Variants in CPLANE1 observed in about 807,000 individuals in gnomAD.
CPLANE1 encodes ciliogenesis and planar polarity effector complex subunit 1, also known as ciliogenesis and planar polarity effector 1.
Under a neutral mutation model 362.5 loss-of-function variants are expected in CPLANE1, and 263 were observed. The observed-to-expected ratio is 0.73, with a 90% CI of 0.66 to 0.80. The LOEUF is 0.80. CPLANE1 is among the 30% of genes least tolerant of loss of function. CPLANE1 has a pLI of 0.00. For synonymous variants in CPLANE1, 1,212 were observed against 1,302.6 expected (o/e 0.93, Z 1.50); for missense variants, 3,461 against 3,793.4 (o/e 0.91, Z 2.30).
the CPLANE1 span, among the ~76,000 whole-genome samples, chr5:37,088,732 G>A: frequency 6.6e-6 from 1 of 152,070 alleles, no homozygotes; most frequent in Admixed American, 6.5e-5. Context: ...GCACAGGACT[G>A]GACTTACTCT....
At chr5:37,242,931 C>T in intron 6 of CPLANE1, 82 bp downstream of exon 6, 1 of 858,582 alleles carries the variant, frequency 1.2e-6, no homozygotes, top group Non-Finnish European at 1.8e-6. Flanking sequence ...CACTACCCCC[C>T]AGTCTGGGTG....
At chr5:37,234,728 T>C (rs1003010007) in intron 8 of CPLANE1, among the ~76,000 whole-genome samples, 2 of 152,082 alleles carry the variant, frequency 1.3e-5, no homozygotes, top group East Asian at 3.9e-4. Flanking sequence ...CAAAAAGGAC[T>C]CCACCAGCGG....
chr5:37,175,454 T>G (rs1192383930), intron 31 of CPLANE1, among the ~76,000 whole-genome samples: 4 of 152,220 alleles, frequency 2.6e-5, no homozygotes, highest in Admixed American at 6.5e-5. Context: ...AGATCGATTC[T>G]AACTATGAAA....
At chr5:37,214,348 A>G (rs1351439040) in intron 15 of CPLANE1, among the ~76,000 whole-genome samples, 1 of 152,128 alleles carries the variant, frequency 6.6e-6, no homozygotes, top group East Asian at 1.9e-4. Context: ...GGTTGTGCGC[A>G]CCTATAGTCC....
chr5:37,115,002 C>T lies in CPLANE1; in HGVS notation c.9358G>A (p.Ala3120Thr). ...IQKKAGGAKAAVRKATQSPVT... is the reference protein window; with the variant it reads ...IQKKAGGAKATVRKATQSPVT... ...GGAGACTGCGTAGCCTTTCTTACTG[C>T]TGCTTTGGCTCCACCAGCTTTTTTC... is the stretch of plus-strand genomic sequence containing the variant. Residue 3120 changes from alanine (A) to threonine (T), a missense_variant, in exon 51 of 53, where the codon GCA becomes ACA. By Grantham distance (58) the Ala-to-Thr change is moderately conservative. Around this residue, in one of 2 missense-constraint regions of CPLANE1, gnomAD observed 3,380 missense variants for 3,666.1 expected, o/e 0.92. Transcript: ENST00000651892. The T allele has an allele frequency of 6.2e-7, 1 of 1,611,456 alleles. No individual in the cohort carries two copies.
the CPLANE1 span, among the ~76,000 whole-genome samples, chr5:37,097,205 AAAAC>A: frequency 2.0e-5 from 3 of 152,160 alleles, no homozygotes; most frequent in Non-Finnish European, 2.9e-5. Context: ...ATTAAAAAAC[AAAAC>A]AAACAAAAAA....
intron 44 of CPLANE1, chr5:37,140,802 C>T: frequency 1.0e-6 from 1 of 985,244 alleles, no homozygotes; most frequent in Non-Finnish European, 1.2e-6. Flanking sequence ...GGCCACAGTA[C>T]CTGTTTATTA....
In CPLANE1 at chr5:37,173,818, C is replaced by G. The variant is rs759938964; in HGVS notation, c.6108G>C (p.Gln2036His). The change falls in exon 32 of 53, where the codon CAG (glutamine) becomes CAC (histidine). Residue 2036 changes from glutamine (Q) to histidine (H), a missense_variant. Coordinates refer to ENST00000651892, the MANE Select transcript of CPLANE1 (RefSeq NM_001384732.1). ...TAACGGACTCCGAACAATCTGGTAA[C>G]TGAGCCGTGAATTCATTTCTCTGGG... ...QKTQRNEFTAQLPDCSESVRQ... is the reference protein window; with the variant it reads ...QKTQRNEFTAHLPDCSESVRQ... 3.7e-6 allele frequency: 6 copies of G among 1,613,996 alleles called. No individual in the cohort carries two copies. The highest frequency in any genetic ancestry group is 1.7e-5 in the Admixed American group (1 of 59,986).
chr5:37,162,564 T>G lies in CPLANE1; in HGVS notation c.7591A>C (p.Met2531Leu). ...GCTGAAGTATTATCATCTTGTAGCA[T>G]TTCTTAAATATAATAAAACATTGGA... The part of the protein sequence containing the change: ...PLDDFDVPFE[M>L]LQDDNTSAGL... The change falls in exon 38 of 53, where the codon ATG becomes CTG. Residue 2531 changes from methionine to leucine, a missense_variant and splice_region_variant. Met to Leu is a conservative substitution (Grantham distance 15). Around this residue, in one of 2 missense-constraint regions of CPLANE1, gnomAD observed 3,380 missense variants for 3,666.1 expected, o/e 0.92. Coordinates refer to ENST00000651892, the MANE Select transcript of CPLANE1 (RefSeq NM_001384732.1). The G allele has an allele frequency of 6.2e-7, 1 of 1,600,566 alleles. No homozygotes were observed. The highest frequency in any genetic ancestry group is 2.2e-5 in the East Asian group (1 of 44,818).
chr5:37,080,773 C>T, the CPLANE1 span, among the ~76,000 whole-genome samples: 3 of 152,154 alleles, frequency 2.0e-5, no homozygotes, highest in South Asian at 6.2e-4. Flanking sequence ...CCAGAAAGGC[C>T]CCCTGAGAAT....
chr5:37,139,983 C>A (rs947030773), intron 44 of CPLANE1: 2 of 963,710 alleles, frequency 2.1e-6, no homozygotes, highest in African/African-American at 3.5e-5. Context: ...AAACAAAAAA[C>A]AAATCTCTGG....
rs924779439 is a variant in CPLANE1, at chr5:37,122,462, C to A, written c.8985G>T (p.Arg2995Ser). Residue 2995 changes from arginine (R) to serine (S), a missense_variant, in exon 48 of 53, where the codon AGG becomes AGT. Around this residue, in one of 2 missense-constraint regions of CPLANE1, gnomAD observed 3,380 missense variants for 3,666.1 expected, o/e 0.92. Transcript: ENST00000651892. ...TTTCATGCTTCATCTTTTGTCTCAG[C>A]CTTATTTCCCTTGAAGTCATGTAAA... is the stretch of plus-strand genomic sequence containing the variant. ...NPLYMTSREI[R>S]LRQKMKHEKD... The A allele has an allele frequency of 9.3e-6, 15 of 1,612,784 alleles. No individual in the cohort carries two copies. Among genetic ancestry groups the A allele is most frequent in the African/African-American group, 1.3e-5 (1 of 74,830 alleles).
intron 6 of CPLANE1, among the ~76,000 whole-genome samples, chr5:37,241,818 T>C (rs933173507): frequency 5.3e-5 from 8 of 151,914 alleles, no homozygotes; most frequent in African/African-American, 1.9e-4. Context: ...TGTGTAGAGA[T>C]GGGATTTTGC....
At chr5:37,246,468 A>T (rs1739704010) in intron 2 of CPLANE1, 2 of 152,130 alleles carry the variant, frequency 1.3e-5, no homozygotes, top group Non-Finnish European at 2.9e-5. Context: ...GGTGCATACC[A>T]CTGAACCTGA....
intron 41 of CPLANE1, among the ~76,000 whole-genome samples, chr5:37,154,615 A>G (rs1407946739): frequency 1.3e-5 from 2 of 151,550 alleles, no homozygotes; most frequent in African/African-American, 4.9e-5. Flanking sequence ...CACCTTTTTT[A>G]AATGCACTCT....
intron 46 of CPLANE1, 169 bp from the exon 47 acceptor site, chr5:37,125,578 G>A (rs1336809151): frequency 1.0e-5 from 6 of 597,336 alleles, no homozygotes; most frequent in Non-Finnish European, 1.7e-5. Flanking sequence ...GAACTCCACT[G>A]AAAATGGACT....
intron 18 of CPLANE1, among the ~76,000 whole-genome samples, chr5:37,204,757 A>G (rs1261678791): frequency 1.3e-5 from 2 of 151,974 alleles, no homozygotes; most frequent in Non-Finnish European, 2.9e-5. Flanking sequence ...TTAAAAAAAA[A>G]AAAAAAGGCA....
chr5:37,153,507 G>A (rs1774161617), intron 42 of CPLANE1, among the ~76,000 whole-genome samples: 2 of 152,138 alleles, frequency 1.3e-5, no homozygotes, highest in Non-Finnish European at 2.9e-5. Flanking sequence ...AGTGCCACTG[G>A]AAACCAGTGG....
intron 50 of CPLANE1, among the ~76,000 whole-genome samples, chr5:37,119,411 C>T (rs1761984969): frequency 6.6e-6 from 1 of 152,178 alleles, no homozygotes; most frequent in African/African-American, 2.4e-5. Flanking sequence ...TGGCTCATGC[C>T]TGTAATCCCA....
Sources: allele counts gnomAD v4.1 joint callset (sites outside exome capture counted in the v4.1 genomes callset), GRCh38; gene constraint gnomAD v4.1.1; regional missense constraint gnomAD v4.1.1; transcripts MANE v1.5; gene names NCBI Gene and HGNC (gene_info 2026-07-23, HGNC 2026-07-21).